The following CCS variants were observed in gnomAD, a reference collection of about 807,000 sequenced individuals.
CCS encodes the protein copper chaperone for superoxide dismutase.
CCS carries 32 observed loss-of-function variants against 35.5 expected under a neutral mutation model. The observed-to-expected ratio is 0.90, with a 90% confidence interval of 0.68 to 1.21. The LOEUF is 1.21. Ranked by LOEUF, CCS falls within the 50% of genes most tolerant of loss-of-function variation. CCS has a pLI of 0.00. For missense variants in CCS, 342 were observed against 375.4 expected (o/e 0.91, Z 0.73); for synonymous variants, 130 against 147.2 (o/e 0.88, Z 0.84).
At chr11:66,595,860 A>G (rs1858468220) in intron 2 of CCS, among the ~76,000 whole-genome samples, 2 of 152,196 alleles carry the variant, frequency 1.3e-5, no homozygotes, top group Non-Finnish European at 2.9e-5. Flanking sequence ...TTCCCACTTC[A>G]GGAGCAGAGA....
intron 4 of CCS, chr11:66,599,961 C>CAA: frequency 4.2e-6 from 1 of 239,152 alleles, no homozygotes; most frequent in Non-Finnish European, 8.2e-6. Flanking sequence ...ACTAACAATA[C>CAA]AAAAAAAAAT....
chr11:66,597,930 A>G (rs1858506565), intron 2 of CCS, among the ~76,000 whole-genome samples: 1 of 151,676 alleles, frequency 6.6e-6, no homozygotes, highest in African/African-American at 2.4e-5. Flanking sequence ...TGAAAATAAA[A>G]AAAGATATAA....
At chr11:66,605,148 T>C (rs770106080) in intron 5 of CCS, 191 bp from the exon 6 acceptor site, 5 of 1,531,512 alleles carry the variant, frequency 3.3e-6, no homozygotes, top group African/African-American at 1.4e-5. Context: ...CACTTTCCAC[T>C]TCCAGACAGG....
chr11:66,599,057 C>A (rs1208252934), intron 2 of CCS, 59 bp from the exon 3 acceptor site: 1 of 1,606,842 alleles, frequency 6.2e-7, no homozygotes, highest in African/African-American at 1.3e-5. Context: ...TTTTTCTGTT[C>A]CCTGCTGCCA....
At chr11:66,599,703 T>G in intron 4 of CCS, 67 bp downstream of exon 4, 2 of 1,420,000 alleles carry the variant, frequency 1.4e-6, no homozygotes, top group Admixed American at 2.0e-5. Flanking sequence ...CCCTCACCAA[T>G]ACTCTGTGAG....
intron 5 of CCS, among the ~76,000 whole-genome samples, chr11:66,602,364 G>T (rs768709680): frequency 6.6e-6 from 1 of 152,162 alleles, no homozygotes; most frequent in African/African-American, 2.4e-5. Flanking sequence ...TTGGCTGTTG[G>T]CCAGAGACAT....
chr11:66,600,409 A>G lies in CCS; in HGVS notation c.429-80A>G, dbSNP rs1858553674. 4.8e-6 allele frequency: 4 copies of G among 827,338 alleles called. No individual in the cohort carries two copies. The Admixed American group carries it at 1.1e-4, about 23-fold the overall frequency. The allele number at this position is 827,338 out of a possible 1,614,324, so 51.2% of individuals were successfully genotyped here. A position where few individuals can be genotyped will look rare whatever the true frequency, so the allele number is the denominator to read the frequency against. On this transcript the variant is annotated intron_variant, in intron 4 of 7. Transcript: ENST00000533244. ...AATGAATGAATGAATGAATGAATGA[A>G]GCAAATATAAATAGATGAGAGGGTA...
Position 66,605,160 on chromosome 11 carries a change from C to T in CCS, c.490-179C>T, listed in dbSNP as rs529862558. Reference sequence around the variant, plus strand: ...GACCACTTTCCACTTCCAGACAGGGCCAAGAGGACCTTGCCTGCCCAGTCC... The same window carrying T: ...GACCACTTTCCACTTCCAGACAGGGTCAAGAGGACCTTGCCTGCCCAGTCC... On this transcript the variant is annotated intron_variant, in intron 5 of 7. Transcript: ENST00000533244. 2.4e-5 allele frequency: 37 copies of T among 1,533,890 alleles called. No individual in the cohort carries two copies. In the East Asian group the frequency reaches 8.6e-4, roughly 36 times the overall value.
Position 66,593,222 on chromosome 11 carries a change from C to T in CCS, c.-40C>T, listed in dbSNP as rs751129288. 35 of 1,552,678 alleles carry T rather than the reference C, an allele frequency of 2.3e-5. No homozygotes were observed. In the East Asian group the frequency reaches 4.6e-4, roughly 20 times the overall value. ...GCCGCGCTGGTTGGTGCTCCTGCGCCGGAGGAGTTCTGCGTCTCGGGGTGG... is the reference window on the plus strand; with the variant it reads ...GCCGCGCTGGTTGGTGCTCCTGCGCTGGAGGAGTTCTGCGTCTCGGGGTGG... On this transcript the variant is annotated 5_prime_UTR_variant, in exon 1 of 8. Coordinates refer to ENST00000533244, the MANE Select transcript of CCS (RefSeq NM_005125.2).
chr11:66,595,576 G>A (rs1177884013), intron 2 of CCS, among the ~76,000 whole-genome samples: 1 of 152,036 alleles, frequency 6.6e-6, no homozygotes, highest in Middle Eastern at 3.2e-3. Context: ...ATCTCAGGAG[G>A]CCTGGGGGAA....
intron 2 of CCS, among the ~76,000 whole-genome samples, chr11:66,594,433 G>A (rs1858438596): frequency 6.6e-6 from 1 of 151,888 alleles, no homozygotes; most frequent in African/African-American, 2.4e-5. Flanking sequence ...ATCTGGAAAG[G>A]TAGAGCCACC....
At chr11:66,597,934 G>A (rs1026318670) in intron 2 of CCS, among the ~76,000 whole-genome samples, 7 of 151,008 alleles carry the variant, frequency 4.6e-5, no homozygotes, top group Admixed American at 4.6e-4. Flanking sequence ...AATAAAAAAA[G>A]ATATAATTCA....
At chr11:66,602,500 A>G (rs1288259352) in intron 5 of CCS, among the ~76,000 whole-genome samples, 1 of 152,244 alleles carries the variant, frequency 6.6e-6, no homozygotes, top group Non-Finnish European at 1.5e-5. Context: ...CTCAAGCCAC[A>G]TTCTTTTTGT....
Position 66,593,238 on chromosome 11 carries a change from C to G in CCS, c.-24C>G. The stretch of plus-strand genomic sequence containing the variant: ...CTCCTGCGCCGGAGGAGTTCTGCGT[C>G]TCGGGGTGGTGACTGGGTCCAGAAT... On this transcript the variant is annotated 5_prime_UTR_variant, in exon 1 of 8. Transcript: ENST00000533244. The G allele has an allele frequency of 6.4e-7, 1 of 1,558,466 alleles. No individual in the cohort carries two copies. The highest frequency in any genetic ancestry group is 8.7e-7 in the Non-Finnish European group (1 of 1,151,462).
chr11:66,599,724 A>G, intron 4 of CCS, 88 bp downstream of exon 4: 1 of 1,231,412 alleles, frequency 8.1e-7, no homozygotes, highest in Middle Eastern at 2.1e-4. Context: ...GCACATACAC[A>G]CAGGCACAAC....
rs1858541839 is a variant in CCS at position 66,599,651 on chromosome 11, G to A, written c.428+15G>A. ...AACTGCAACAGGTGAGTTGTCTGAA[G>A]TCTCCCCAGTAGCATTCTCAGCTAC... On this transcript the variant is annotated intron_variant, in intron 4 of 7. Transcript: ENST00000533244. 1.2e-6 allele frequency: 2 copies of A among 1,609,366 alleles called. No individual in the cohort carries two copies. Among genetic ancestry groups the A allele is most frequent in the South Asian group, 2.2e-5 (2 of 90,090 alleles).
In CCS at chr11:66,605,362, C is replaced by T. The variant is rs1858637347; in HGVS notation, c.513C>T (p.Val171=). ...AGCACCGCGGAGACCTGGGCAATGT[C>T]CGTGCTGATGCTGACGGCCGCGCCA... ...SDRHRGDLGN[V]RADADGRAIF... Residue 171 remains valine (V), a synonymous_variant, in exon 6 of 8, where the codon GTC becomes GTT. Transcript: ENST00000533244. 1 of 1,614,168 alleles carries T rather than the reference C, an allele frequency of 6.2e-7. No individual in the cohort carries two copies. Among genetic ancestry groups the T allele is most frequent in the African/African-American group, 1.3e-5 (1 of 75,022 alleles).
intron 2 of CCS, among the ~76,000 whole-genome samples, chr11:66,594,911 G>A (rs1858450807): frequency 6.6e-6 from 1 of 152,290 alleles, no homozygotes; most frequent in East Asian, 1.9e-4. Flanking sequence ...GCATGCAAGC[G>A]TTGCCTGGAT....
intron 5 of CCS, chr11:66,605,018 C>T: frequency 1.1e-6 from 1 of 896,058 alleles, no homozygotes; most frequent in Non-Finnish European, 1.6e-6. Context: ...CAGTCTGATC[C>T]AATGGGAATG....
Sources: gnomAD v4.1 joint callset for allele counts (sites outside exome capture counted in the v4.1 genomes callset) on GRCh38, gnomAD v4.1.1 for gene constraint, MANE v1.5 for transcripts, NCBI Gene and HGNC (gene_info 2026-07-23, HGNC 2026-07-21) for gene names.